CIB2: variants seen among roughly 807,000 people sequenced by gnomAD.
The protein encoded by CIB2 is calcium and integrin-binding family member 2.
CIB2 carries 19 observed loss-of-function variants against 23.1 expected under a neutral mutation model. The ratio of observed to expected loss-of-function variants is 0.82; its 90% CI spans 0.57 to 1.21. The LOEUF is 1.21. CIB2 is among the 50% of genes most tolerant of loss of function. The pLI is 0.00. For missense variants in CIB2, 220 were observed against 241.5 expected, an observed-to-expected ratio of 0.91 and a Z score of 0.59; for synonymous variants, 94 against 91.7, an observed-to-expected ratio of 1.03 and a Z score of -0.14.
At chr15:78,127,182 C>T (rs1337019305) in intron 1 of CIB2, among the ~76,000 whole-genome samples, 1 of 152,190 alleles carries the variant, frequency 6.6e-6, no homozygotes, top group Non-Finnish European at 1.5e-5. Flanking sequence ...TCCCCAGAGT[C>T]GGTAGCTCTG....
chr15:78,111,404 G>T, intron 2 of CIB2, 128 bp from the exon 3 acceptor site: 2 of 689,958 alleles, frequency 2.9e-6, no homozygotes, highest in Non-Finnish European at 2.4e-6. Context: ...AGGGGCCAAT[G>T]GGAGGCTCTC....
At position 78,105,014 on chromosome 15, in the gene CIB2, G is replaced by C; in HGVS notation, c.*297C>G. On this transcript the variant is annotated 3_prime_UTR_variant, in exon 6 of 6. Coordinates refer to ENST00000258930, the MANE Select transcript of CIB2 (RefSeq NM_006383.4). Reference sequence around the variant, plus strand: ...GGTTATCTGCTTTTCCCTCTTTGGGGGGGTGGGGAGCATTTCTGGAGTAGG... The same window carrying C: ...GGTTATCTGCTTTTCCCTCTTTGGGCGGGTGGGGAGCATTTCTGGAGTAGG... 1 of 441,214 alleles carries C rather than the reference G, an allele frequency of 2.3e-6. No homozygotes were observed. Among genetic ancestry groups the C allele is most frequent in the Non-Finnish European group, 4.2e-6 (1 of 238,474 alleles). The allele number at this position is 441,214 out of a possible 1,614,324, so 27.3% of individuals were successfully genotyped here. A position where few individuals can be genotyped will look rare whatever the true frequency, so the allele number is the denominator to read the frequency against.
intron 1 of CIB2, among the ~76,000 whole-genome samples, chr15:78,129,579 T>C (rs1387096365): frequency 6.6e-6 from 1 of 152,212 alleles, no homozygotes; most frequent in African/African-American, 2.4e-5. Context: ...TTTCTGGACT[T>C]TGTCCCCCTT....
At chr15:78,126,145 C>G (rs546027871) in intron 1 of CIB2, among the ~76,000 whole-genome samples, 193 of 144,562 alleles carry the variant, frequency 1.3e-3, no homozygotes, top group African/African-American at 5.2e-3. Context: ...CCCCTGCCCC[C>G]CCCCCTTTTT....
intron 1 of CIB2, among the ~76,000 whole-genome samples, chr15:78,125,625 T>A (rs916345458): frequency 1.3e-5 from 2 of 152,164 alleles, no homozygotes; most frequent in African/African-American, 4.8e-5. Context: ...GGGAACTTGG[T>A]GAAAATGTAG....
chr15:78,125,006 T>C (rs895835391), intron 1 of CIB2, among the ~76,000 whole-genome samples: 6 of 152,204 alleles, frequency 3.9e-5, no homozygotes, highest in Admixed American at 2.6e-4. Flanking sequence ...AAGTCTGTCC[T>C]TCTAAGCTGC....
chr15:78,109,330 C>T lies in CIB2; in HGVS notation c.251G>A (p.Gly84Glu). ...IVAAFSEDGE[G>E]NLTFNDFVDM... The stretch of plus-strand genomic sequence containing the variant: ...CACAAAGTCGTTGAAAGTGAGGTTC[C>T]CCTCACCATCCTCGGAAAACGCCGC... Residue 84 changes from glycine (G) to glutamate (E), a missense_variant, in exon 4 of 6, where the codon GGG becomes GAG. Gly to Glu is a moderately conservative substitution (Grantham distance 98). Coordinates refer to ENST00000258930, the MANE Select transcript of CIB2 (RefSeq NM_006383.4). 1 of 1,614,090 alleles carries T rather than the reference C, an allele frequency of 6.2e-7. No homozygotes were observed. The highest frequency in any genetic ancestry group is 1.1e-5 in the South Asian group (1 of 91,078).
intron 2 of CIB2, among the ~76,000 whole-genome samples, chr15:78,121,523 G>A (rs911452780): frequency 8.5e-5 from 13 of 152,294 alleles, no homozygotes; most frequent in African/African-American, 2.9e-4. Context: ...TACGTGTCAT[G>A]GGAGGGACCT....
At chr15:78,111,422 C>A (rs1490320251) in intron 2 of CIB2, 146 bp from the exon 3 acceptor site, 15 of 636,066 alleles carry the variant, frequency 2.4e-5, no homozygotes, top group Non-Finnish European at 4.1e-5. Context: ...CTCTGCTCTG[C>A]CCACAGGGTG....
At position 78,109,335 on chromosome 15, in the gene CIB2, A is replaced by C; in HGVS notation, c.246T>G (p.Gly82=). The part of the protein sequence containing the change: ...ERIVAAFSED[G]EGNLTFNDFV... Reference sequence around the variant, plus strand: ...AGTCGTTGAAAGTGAGGTTCCCCTCACCATCCTCGGAAAACGCCGCCACGA... The same window carrying C: ...AGTCGTTGAAAGTGAGGTTCCCCTCCCCATCCTCGGAAAACGCCGCCACGA... The change falls in exon 4 of 6, where the codon GGT becomes GGG. Residue 82 remains glycine, a synonymous_variant. Transcript: ENST00000258930. 6.2e-7 allele frequency: 1 copy of C among 1,614,084 alleles called. No individual in the cohort carries two copies. The highest frequency in any genetic ancestry group is 8.5e-7 in the Non-Finnish European group (1 of 1,180,036).
intron 1 of CIB2, 63 bp from the exon 2 acceptor site, chr15:78,123,802 GC>G: frequency 6.4e-7 from 1 of 1,574,770 alleles, no homozygotes; most frequent in Non-Finnish European, 8.7e-7. Context: ...TTCCTCAGAG[GC>G]CTCGATGCCA....
At position 78,131,151 on chromosome 15, in the gene CIB2, C is replaced by T. The variant is rs1448620457; in HGVS notation, c.51+14G>A. ...GGCGGGGCCTGTGTTGGGGGCCGGGCGCGCCGAGCTCACCTGGTAGTTGTC... is the reference window on the plus strand; with the variant it reads ...GGCGGGGCCTGTGTTGGGGGCCGGGTGCGCCGAGCTCACCTGGTAGTTGTC... On this transcript the variant is annotated intron_variant, in intron 1 of 5. Transcript: ENST00000258930. The surrounding 1 kb of genome is among the most constrained non-coding windows in gnomAD (Gnocchi z 5.8). 2 of 1,578,300 alleles carry T rather than the reference C, an allele frequency of 1.3e-6. No individual in the cohort carries two copies. Among genetic ancestry groups the T allele is most frequent in the Non-Finnish European group, 8.6e-7 (1 of 1,163,678 alleles).
intron 3 of CIB2, among the ~76,000 whole-genome samples, chr15:78,109,807 C>CA (rs61214041): frequency 0.044 from 3,873 of 87,064 alleles, 147 homozygotes; most frequent in Non-Finnish European, 0.058. Flanking sequence ...ACCATGTCTC[C>CA]AAAAAAAAAA....
At chr15:78,117,000 T>C (rs1477911283) in intron 2 of CIB2, among the ~76,000 whole-genome samples, 3 of 149,538 alleles carry the variant, frequency 2.0e-5, no homozygotes, top group Non-Finnish European at 4.4e-5. Context: ...TGGTATAAAA[T>C]GTACTAATTT....
Position 78,114,005 on chromosome 15 carries a change from C to T in CIB2, c.87-2729G>A, listed in dbSNP as rs1596353374. On this transcript the variant is annotated intron_variant, in intron 2 of 5. Transcript: ENST00000258930. ...GCATGAAGTCAGGCTGAGGTTGGAG[C>T]CCTGCCTACACCTCTCATTAGCAGT... Among the ~76,000 whole-genome samples the T allele has an allele frequency of 2.0e-5, 3 of 152,240 alleles. No individual in the cohort carries two copies. The East Asian group carries it at 5.8e-4, about 29-fold the overall frequency.
intron 2 of CIB2, among the ~76,000 whole-genome samples, chr15:78,113,317 G>A (rs79172030): frequency 0.025 from 3,732 of 152,314 alleles, 151 homozygotes; most frequent in African/African-American, 0.086. Flanking sequence ...GACAGAGCAG[G>A]AGGGGAAAAC....
At chr15:78,106,141 CCAA>C (rs2074067742) in intron 4 of CIB2, among the ~76,000 whole-genome samples, 1 of 152,236 alleles carries the variant, frequency 6.6e-6, no homozygotes, top group African/African-American at 2.4e-5. Context: ...ACATCCACCA[CCAA>C]CAACAACCCC....
chr15:78,131,254 A>T lies in CIB2; in HGVS notation c.-39T>A, dbSNP rs11547207. 3.8e-5 allele frequency: 54 copies of T among 1,432,510 alleles called. No homozygotes were observed. Among genetic ancestry groups the T allele is most frequent in the Non-Finnish European group, 5.0e-5 (54 of 1,084,362 alleles). 88.7% of individuals were successfully genotyped at this position (1,432,510 alleles called of 1,614,324 possible). A position where few individuals can be genotyped will look rare whatever the true frequency, so the allele number is the denominator to read the frequency against. ...CCGCCGCTCGCCCGCCCGGGCTCCG[A>T]CTCCCATCAGCGGCCGCCAGACCCG... On this transcript the variant is annotated 5_prime_UTR_variant, in exon 1 of 6. Coordinates refer to ENST00000258930, the MANE Select transcript of CIB2 (RefSeq NM_006383.4). The surrounding 1 kb of genome is among the most constrained non-coding windows in gnomAD (Gnocchi z 5.8).
intron 3 of CIB2, 193 bp from the exon 4 acceptor site, chr15:78,109,575 T>G: frequency 1.5e-6 from 1 of 647,952 alleles, no homozygotes. Flanking sequence ...TGAGCTAAAG[T>G]ATGTAAGGTG....
Sources: gnomAD v4.1 joint callset for allele counts (sites outside exome capture counted in the v4.1 genomes callset) on GRCh38, gnomAD v4.1.1 for gene constraint, Gnocchi (gnomAD v3.1) non-coding constraint, MANE v1.5 for transcripts, NCBI Gene and HGNC (gene_info 2026-07-23, HGNC 2026-07-21) for gene names.